MSN: variants seen among roughly 807,000 people sequenced by gnomAD.
MSN encodes the protein epididymis luminal protein 70.
A neutral mutation model predicts 48.0 loss-of-function variants in MSN; 2 were observed. The ratio of observed to expected loss-of-function variants is 0.04; its 90% CI spans 0.02 to 0.13. The LOEUF is 0.13. MSN is among the 10% of genes least tolerant of loss of function. MSN has a pLI of 1.00. For missense variants in MSN, 267 were observed against 470.1 expected (o/e 0.57, Z 3.99); for synonymous variants, 146 against 166.9 (o/e 0.87, Z 0.97).
At chrX:65,722,400 C>T (rs988347823) in intron 2 of MSN, among the ~76,000 whole-genome samples, 6 of 86,544 alleles carry the variant, frequency 6.9e-5, no homozygotes, top group African/African-American at 2.4e-4. Flanking sequence ...TAGGCGTGCA[C>T]GCTCGTGTGT....
intron 1 of MSN, 49 bp from the exon 2 acceptor site, chrX:65,716,769 T>C (rs1444152874): frequency 9.0e-7 from 1 of 1,112,727 alleles, no homozygotes; most frequent in African/African-American, 1.8e-5. Context: ...TCAGGCTCTG[T>C]TGAACACAGA....
At chrX:65,723,699 G>T (rs957886694) in intron 2 of MSN, among the ~76,000 whole-genome samples, 10 of 111,950 alleles carry the variant, frequency 8.9e-5, no homozygotes, top group African/African-American at 3.2e-4. Context: ...GAAAAACTTG[G>T]CTTGGAAAAG....
chrX:65,605,036 T>G (rs766233250), intron 1 of MSN, among the ~76,000 whole-genome samples: 5 of 112,714 alleles, frequency 4.4e-5, no homozygotes, highest in Admixed American at 9.4e-5. Flanking sequence ...CTATTAAAGA[T>G]GCCTCAGCCT....
intron 1 of MSN, among the ~76,000 whole-genome samples, chrX:65,691,179 C>A (rs2071168944): frequency 8.9e-6 from 1 of 112,028 alleles, no homozygotes; most frequent in African/African-American, 3.2e-5. Flanking sequence ...AGGTGGGGAA[C>A]CCCTTGAAGT....
At chrX:65,733,071 AAAGAG>A in intron 6 of MSN, 108 bp from the exon 7 acceptor site, 1 of 518,782 alleles carries the variant, frequency 1.9e-6, no homozygotes. Flanking sequence ...AAAAAAAAAA[AAAGAG>A]AGAGAGAGAC....
chrX:65,696,670 G>C (rs2071244908), intron 1 of MSN, among the ~76,000 whole-genome samples: 1 of 111,380 alleles, frequency 9.0e-6, no homozygotes, highest in South Asian at 3.8e-4. Flanking sequence ...AAGGTTATAT[G>C]TTTGTGGTGG....
At chrX:65,675,246 A>G (rs1391550939) in intron 1 of MSN, among the ~76,000 whole-genome samples, 1 of 112,044 alleles carries the variant, frequency 8.9e-6, no homozygotes, top group African/African-American at 3.2e-5. Flanking sequence ...TTAATTGGGG[A>G]TTTAGGGCTA....
At chrX:65,614,667 GTT>G (rs747952838) in intron 1 of MSN, among the ~76,000 whole-genome samples, 63 of 81,949 alleles carry the variant, frequency 7.7e-4, no homozygotes, top group African/African-American at 2.5e-3. Context: ...TTGACTCTCT[GTT>G]TTTTTTTTTC....
At chrX:65,627,651 TG>T (rs1254995509) in intron 1 of MSN, among the ~76,000 whole-genome samples, 1 of 110,905 alleles carries the variant, frequency 9.0e-6, no homozygotes, top group East Asian at 2.9e-4. Flanking sequence ...CATATCATTT[TG>T]CCCCAGTCCC....
rs769659398 is a variant in MSN, at chrX:65,726,974, G to A, written c.97-840G>A. ...GGCAAGCCTCCTTTTCCTGCCCACT[G>A]TTCAGCCAGGAGGCTCAGGACAACA... On this transcript the variant is annotated intron_variant, in intron 2 of 12. Transcript: ENST00000360270. 2.7e-5 allele frequency among the ~76,000 whole-genome samples: 3 copies of A among 110,803 alleles called. No homozygotes were observed. The South Asian group carries it at 1.2e-3, about 43-fold the overall frequency.
At chrX:65,666,149 C>T (rs1006966602), upstream of MSN, among the ~76,000 whole-genome samples, 8 of 109,632 alleles carry the variant, frequency 7.3e-5, no homozygotes, top group East Asian at 2.9e-4. Flanking sequence ...CCTGGAACTA[C>T]GTGCCATCAC....
chrX:65,647,519 AG>A (rs2070703937), intron 1 of MSN, among the ~76,000 whole-genome samples: 1 of 112,662 alleles, frequency 8.9e-6, no homozygotes, highest in South Asian at 3.6e-4. Context: ...CCAGGTGGTT[AG>A]TTCTCTAAGG....
At chrX:65,637,663 C>T (rs898409203) in intron 1 of MSN, among the ~76,000 whole-genome samples, 1 of 109,277 alleles carries the variant, frequency 9.2e-6, no homozygotes, top group East Asian at 2.9e-4. Flanking sequence ...TATCTTGCTT[C>T]TTCCCTCAGT....
intron 1 of MSN, among the ~76,000 whole-genome samples, chrX:65,609,556 T>C (rs1356798772): frequency 2.7e-5 from 3 of 111,228 alleles, no homozygotes; most frequent in Non-Finnish European, 5.7e-5. Flanking sequence ...AGAAGCCACA[T>C]AGTCCCAGGG....
chrX:65,625,684 C>T (rs2070498100), intron 1 of MSN: 1 of 111,602 alleles, frequency 9.0e-6, no homozygotes, highest in Admixed American at 9.6e-5. Context: ...TGTAGACAGA[C>T]AACATATAGT....
intron 1 of MSN, among the ~76,000 whole-genome samples, chrX:65,640,215 C>A (rs980405285): frequency 1.8e-5 from 2 of 111,809 alleles, no homozygotes; most frequent in African/African-American, 6.5e-5. Context: ...GCCTCCAAAT[C>A]ATTTCCCTCA....
rs185792533 is a variant in MSN, at chrX:65,624,195, C to T, written c.-22+35583C>T. 1.5e-4 allele frequency among the ~76,000 whole-genome samples: 16 copies of T among 109,801 alleles called. No individual in the cohort carries two copies. The Admixed American group carries it at 1.5e-3, about 10-fold the overall frequency. On this transcript the variant is annotated intron_variant, in intron 1 of 3. Transcript: ENST00000609672. ...CCGGGCTCAAGTGACTTTCCTGTCT[C>T]AGCCTCCCAAGTAGCTGGGATTACA...
At chrX:65,662,143 T>TA (rs761008824) in intron 1 of MSN, among the ~76,000 whole-genome samples, 1 of 112,006 alleles carries the variant, frequency 8.9e-6, no homozygotes, top group African/African-American at 3.2e-5. Flanking sequence ...ATGACACAAA[T>TA]AAATGAAAAA....
rs1334204781 is a variant in MSN, at chrX:65,716,836, A to C, written c.31A>C (p.Thr11Pro). Residue 11 changes from threonine to proline, a missense_variant, in exon 2 of 13, where the codon ACC (threonine) becomes CCC (proline). By Grantham distance (38) the Thr-to-Pro change is conservative (BLOSUM62 -1). Transcript: ENST00000360270. MPKTISVRVTTMDAELEFAIQ... is the reference protein window; with the variant it reads MPKTISVRVTPMDAELEFAIQ... ...ATCCTAGATCAGTGTGCGTGTGACC[A>C]CCATGGATGCAGAGCTGGAGTTTGC... 3 of 1,210,047 alleles carry C rather than the reference A, an allele frequency of 2.5e-6. No homozygotes were observed. Among genetic ancestry groups the C allele is most frequent in the Non-Finnish European group, 3.4e-6 (3 of 894,908 alleles).
Sources: allele counts gnomAD v4.1 joint callset (sites outside exome capture counted in the v4.1 genomes callset), GRCh38; gene constraint gnomAD v4.1.1; transcripts MANE v1.5; gene names NCBI Gene and HGNC (gene_info 2026-07-23, HGNC 2026-07-21).